The following SPICE1 variants were observed in gnomAD, a reference collection of about 807,000 sequenced individuals.
SPICE1 encodes the protein spindle and centriole associated protein 1.
A neutral mutation model predicts 102.7 loss-of-function variants in SPICE1; 75 were observed. The ratio of observed to expected loss-of-function variants is 0.73; its 90% CI spans 0.61 to 0.88. The LOEUF is 0.88. Ranked by LOEUF, SPICE1 falls within the 40% of genes least tolerant of loss-of-function variation. The pLI, the probability that SPICE1 is intolerant of heterozygous loss-of-function variation, is 0.00. For synonymous variants in SPICE1, 308 were observed against 350.3 expected (o/e 0.88, Z 1.35); for missense variants, 979 against 1,020.1 (o/e 0.96, Z 0.55).
chr3:113,487,533 C>A (rs2107489094), intron 7 of SPICE1, among the ~76,000 whole-genome samples: 1 of 152,130 alleles, frequency 6.6e-6, no homozygotes, highest in South Asian at 2.1e-4. Context: ...TTTTTAAATA[C>A]CCTTCTTTAA....
At chr3:113,449,748 CA>C (rs1935602413) in intron 15 of SPICE1, 1 of 153,266 alleles carries the variant, frequency 6.5e-6, no homozygotes, top group South Asian at 2.0e-4. Context: ...ATCAATCTCT[CA>C]GTACTCTTCA....
chr3:113,458,968 G>C (rs1233096470), intron 12 of SPICE1, among the ~76,000 whole-genome samples: 3 of 151,714 alleles, frequency 2.0e-5, no homozygotes, highest in Non-Finnish European at 4.4e-5. Context: ...CGGTTTTGTC[G>C]AATAGAAAAG....
chr3:113,471,646 G>T (rs1210152405), intron 7 of SPICE1, among the ~76,000 whole-genome samples: 1 of 152,120 alleles, frequency 6.6e-6, no homozygotes, highest in Non-Finnish European at 1.5e-5. Flanking sequence ...AAACAAAAAC[G>T]GGATACGCAT....
chr3:113,469,083 C>T lies in SPICE1; in HGVS notation c.751+16G>A, dbSNP rs1407052661. The T allele has an allele frequency of 2.5e-6, 4 of 1,605,960 alleles. No homozygotes were observed. The highest frequency in any genetic ancestry group is 3.4e-6 in the Non-Finnish European group (4 of 1,177,092). On this transcript the variant is annotated intron_variant, in intron 8 of 17. Coordinates refer to ENST00000295872, the MANE Select transcript of SPICE1 (RefSeq NM_144718.4). ...ATAAAGCAGGCACCTAGAAATAATG[C>T]AAAAGGGAAACAAACCTCTTTGCTC...
rs751183141 is a variant in SPICE1, at chr3:113,448,030, C to T, written c.2426+8G>A. On this transcript the variant is annotated splice_region_variant and intron_variant, in intron 16 of 17. Coordinates refer to ENST00000295872, the MANE Select transcript of SPICE1 (RefSeq NM_144718.4). ...TTTTTTTAAATAAATATTCACACTG[C>T]AACTTACCTTCTTGTATTTATCCCG... The T allele has an allele frequency of 6.9e-6, 11 of 1,586,666 alleles. No individual in the cohort carries two copies. In the African/African-American group the frequency reaches 1.5e-4, roughly 22 times the overall value.
rs60309507 is a variant in SPICE1 at position 113,486,210 on chromosome 3, C to CATATATATATATATATATAT, written c.611+2715_611+2734dup. On this transcript the variant is annotated intron_variant, in intron 7 of 17. Coordinates refer to ENST00000295872, the MANE Select transcript of SPICE1 (RefSeq NM_144718.4). Reference sequence around the variant, plus strand: ...ATACTGTAGTTTATTTGACCATTCTCATATATATATATATATATATATGCC... The same window carrying CATATATATATATATATATAT: ...ATACTGTAGTTTATTTGACCATTCTCATATATATATATATATATATATATATATATATATATATATATGCC... 8.3e-3 allele frequency among the ~76,000 whole-genome samples: 1,162 copies of CATATATATATATATATATAT among 140,686 alleles called. 9 individuals carry two copies. Among genetic ancestry groups the CATATATATATATATATATAT allele is most frequent in the African/African-American group, 0.011 (433 of 38,166 alleles). The allele number at this position is 140,686 out of a possible 152,430, so 92.3% of individuals were successfully genotyped here. A position where few individuals can be genotyped will look rare whatever the true frequency, so the allele number is the denominator to read the frequency against.
Position 113,503,213 on chromosome 3 carries a change from A to C in SPICE1, c.114T>G (p.Asp38Glu). 1.2e-6 allele frequency: 2 copies of C among 1,600,586 alleles called. No individual in the cohort carries two copies. Among genetic ancestry groups the C allele is most frequent in the Non-Finnish European group, 1.7e-6 (2 of 1,175,402 alleles). Reference protein sequence around the residue: ...VKQEWDNTVTDLTVHRATPED... With the variant: ...VKQEWDNTVTELTVHRATPED... Reference sequence around the variant, plus strand: ...CGGGAGTTGCCCGATGAACGGTTAGATCAGTCACGGTATTCTGTAAAAAAA... The same window carrying C: ...CGGGAGTTGCCCGATGAACGGTTAGCTCAGTCACGGTATTCTGTAAAAAAA... The change falls in exon 3 of 18, where the codon GAT becomes GAG. Residue 38 changes from aspartate (D) to glutamate (E), a missense_variant. Asp to Glu is a conservative substitution (Grantham distance 45). Transcript: ENST00000295872.
chr3:113,459,813 C>T (rs1475029868), intron 12 of SPICE1: 12 of 912,548 alleles, frequency 1.3e-5, no homozygotes, highest in Admixed American at 1.3e-4. Context: ...AACTGGAAGG[C>T]GGAGGTTGCA....
rs1275401286 is a variant in SPICE1 at position 113,451,555 on chromosome 3, A to T, written c.2143-1039T>A. On this transcript the variant is annotated intron_variant, in intron 14 of 17. Transcript: ENST00000295872. ...AACAAAAGAGGGTAGTGAAGACAGA[A>T]ATATTAGATAGTCCCTTCCAGCTTG... is the stretch of plus-strand genomic sequence containing the variant. Among the ~76,000 whole-genome samples the T allele has an allele frequency of 2.0e-5, 3 of 152,218 alleles. No homozygotes were observed. The East Asian group carries it at 5.8e-4, about 29-fold the overall frequency.
At chr3:113,458,859 C>T (rs7641044) in intron 12 of SPICE1, among the ~76,000 whole-genome samples, 2,278 of 151,692 alleles carry the variant, frequency 0.015, 40 homozygotes, top group African/African-American at 0.044. Context: ...CTCTGCCCGG[C>T]CGCCCCGTCT....
intron 7 of SPICE1, among the ~76,000 whole-genome samples, chr3:113,481,784 T>C (rs1199413141): frequency 6.6e-6 from 1 of 152,244 alleles, no homozygotes; most frequent in Non-Finnish European, 1.5e-5. Flanking sequence ...CCATGCTATA[T>C]ATGTGCCACA....
At chr3:113,483,562 T>A (rs1936571987) in intron 7 of SPICE1, among the ~76,000 whole-genome samples, 1 of 152,212 alleles carries the variant, frequency 6.6e-6, no homozygotes, top group Non-Finnish European at 1.5e-5. Flanking sequence ...CACCGATACC[T>A]AGTTTATTGA....
chr3:113,467,676 T>G (rs1444742176), intron 10 of SPICE1, among the ~76,000 whole-genome samples: 2 of 152,338 alleles, frequency 1.3e-5, no homozygotes, highest in East Asian at 3.9e-4. Flanking sequence ...ATTGAAGCCA[T>G]ATGTGAGTTA....
intron 7 of SPICE1, among the ~76,000 whole-genome samples, chr3:113,474,405 C>A (rs1936286610): frequency 6.6e-6 from 1 of 152,124 alleles, no homozygotes; most frequent in African/African-American, 2.4e-5. Flanking sequence ...CAAGGATACC[C>A]AGGAATTGAA....
At chr3:113,512,249 G>A (rs1361994742) in intron 1 of SPICE1, among the ~76,000 whole-genome samples, 2 of 152,092 alleles carry the variant, frequency 1.3e-5, no homozygotes, top group African/African-American at 2.4e-5. Flanking sequence ...GGATAACACA[G>A]GTATAGTTAA....
At chr3:113,474,200 A>T (rs866586576) in intron 7 of SPICE1, among the ~76,000 whole-genome samples, 2,473 of 151,972 alleles carry the variant, frequency 0.016, 52 homozygotes, top group African/African-American at 0.048. Context: ...AGGCCATTAC[A>T]TAATGGTAAA....
chr3:113,450,925 A>G (rs1935638373), intron 14 of SPICE1, among the ~76,000 whole-genome samples: 1 of 152,198 alleles, frequency 6.6e-6, no homozygotes, highest in South Asian at 2.1e-4. Flanking sequence ...TAGAATTTAC[A>G]GTCCCTTTAA....
intron 16 of SPICE1, among the ~76,000 whole-genome samples, chr3:113,447,642 A>G (rs1028931884): frequency 6.6e-6 from 1 of 152,204 alleles, no homozygotes; most frequent in African/African-American, 2.4e-5. Context: ...GTATGTCCTT[A>G]GTGTCACTAT....
intron 14 of SPICE1, among the ~76,000 whole-genome samples, chr3:113,450,915 T>C (rs150468610): frequency 1.7e-3 from 256 of 152,268 alleles, no homozygotes; most frequent in African/African-American, 5.8e-3. Context: ...GAGCACACAA[T>C]AGAATTTACA....
Sources: allele counts gnomAD v4.1 joint callset (sites outside exome capture counted in the v4.1 genomes callset), GRCh38; gene constraint gnomAD v4.1.1; transcripts MANE v1.5; gene names NCBI Gene and HGNC (gene_info 2026-07-23, HGNC 2026-07-21).